Variants in SLC6A5 observed in about 807,000 individuals in gnomAD.
SLC6A5 encodes the protein solute carrier family 6 member 5.
Under a neutral mutation model 90.5 loss-of-function variants are expected in SLC6A5, and 58 were observed. The observed-to-expected ratio is 0.64, with a 90% confidence interval of 0.52 to 0.80. The LOEUF (loss-of-function observed/expected upper bound fraction) is 0.80, where lower values mean the gene tolerates loss of function less well. Among genes scored for constraint, SLC6A5 ranks in the 30% least tolerant of loss-of-function variants. SLC6A5 has a pLI of 0.00. For missense variants in SLC6A5, 1,015 were observed against 1,017.6 expected (o/e 1.00, Z 0.03); for synonymous variants, 427 against 401.4 (o/e 1.06, Z -0.76).
intron 7 of SLC6A5, among the ~76,000 whole-genome samples, chr11:20,624,783 A>G (rs895169660): frequency 2.0e-5 from 3 of 152,178 alleles, no homozygotes. Flanking sequence ...TGCACTTTTA[A>G]TGTAGCCTAC....
At position 20,630,816 on chromosome 11, in the gene SLC6A5, G is replaced by A. The variant is rs2133803165; in HGVS notation, c.1624+1G>A. On this transcript the variant is annotated splice_donor_variant, in intron 10 of 15. Transcript: ENST00000525748. LOFTEE classifies it high-confidence loss of function. ...AACATTGAGAATGTGGCAGACCAAG[G>A]TACAGGACAGTTGTTACCCTGCTGT... 1.9e-6 allele frequency: 3 copies of A among 1,614,134 alleles called. No homozygotes were observed. The highest frequency in any genetic ancestry group is 2.2e-5 in the East Asian group (1 of 44,876).
chr11:20,617,972 C>T, intron 7 of SLC6A5, 88 bp downstream of exon 7: 1 of 1,357,966 alleles, frequency 7.4e-7, no homozygotes, highest in Non-Finnish European at 1.0e-6. Flanking sequence ...GAAAGAGAGT[C>T]AGGAGCTGTG....
intron 15 of SLC6A5, among the ~76,000 whole-genome samples, chr11:20,654,115 C>T (rs936259313): frequency 1.3e-5 from 2 of 152,116 alleles, no homozygotes; most frequent in African/African-American, 4.8e-5. Flanking sequence ...TTTAGCTTGC[C>T]TGCAAGAACC....
chr11:20,605,164 G>A (rs1278927769), intron 3 of SLC6A5, among the ~76,000 whole-genome samples: 1 of 152,046 alleles, frequency 6.6e-6, no homozygotes, highest in African/African-American at 2.4e-5. Flanking sequence ...CCCTCCCAGC[G>A]TTTGGGTGCC....
intron 10 of SLC6A5, among the ~76,000 whole-genome samples, chr11:20,633,954 T>C (rs1311811396): frequency 1.3e-5 from 2 of 152,090 alleles, no homozygotes; most frequent in Non-Finnish European, 2.9e-5. Flanking sequence ...TCACTGCAAC[T>C]TCTGCCTCCC....
At chr11:20,638,412 C>T in intron 12 of SLC6A5, 47 bp from the exon 13 acceptor site, 4 of 1,192,736 alleles carry the variant, frequency 3.4e-6, no homozygotes, top group Middle Eastern at 3.9e-4. Context: ...AAGAGACAGC[C>T]TGGCTTCAGG....
chr11:20,653,739 C>T (rs1232572475), intron 15 of SLC6A5, among the ~76,000 whole-genome samples: 1 of 152,194 alleles, frequency 6.6e-6, no homozygotes, highest in African/African-American at 2.4e-5. Context: ...CCATGGGCTT[C>T]CAGAGATGGT....
intron 6 of SLC6A5, among the ~76,000 whole-genome samples, chr11:20,616,091 A>T (rs1422239168): frequency 6.6e-6 from 1 of 152,268 alleles, no homozygotes; most frequent in Admixed American, 6.5e-5. Context: ...GCTTTCACTT[A>T]GATGACGACA....
Position 20,656,712 on chromosome 11 carries a change from T to C in SLC6A5, c.*1844T>C, listed in dbSNP as rs1030263323. ...TTTCATGTCTTTTGTCTGCAGTGTA[T>C]ATTTGTTCTCCCCTCTCCTTCTCCT... On this transcript the variant is annotated 3_prime_UTR_variant, in exon 16 of 16. Coordinates refer to ENST00000525748, the MANE Select transcript of SLC6A5 (RefSeq NM_004211.5). 3.3e-5 allele frequency: 5 copies of C among 152,206 alleles called. No individual in the cohort carries two copies. The highest frequency in any genetic ancestry group is 1.2e-4 in the African/African-American group (5 of 41,446). 9.4% of individuals were successfully genotyped at this position (152,206 alleles called of 1,614,324 possible). A position where few individuals can be genotyped will look rare whatever the true frequency, so the allele number is the denominator to read the frequency against.
intron 2 of SLC6A5, among the ~76,000 whole-genome samples, chr11:20,603,843 T>A (rs1424369647): frequency 6.6e-6 from 1 of 150,842 alleles, no homozygotes; most frequent in Non-Finnish European, 1.5e-5. Flanking sequence ...TGGGAGAGGG[T>A]TAATTAGGAA....
At chr11:20,629,504 T>C (rs1016087339) in intron 9 of SLC6A5, among the ~76,000 whole-genome samples, 1 of 152,220 alleles carries the variant, frequency 6.6e-6, no homozygotes, top group Non-Finnish European at 1.5e-5. Flanking sequence ...TTGCTTTTAT[T>C]ATTTTTAAAT....
intron 12 of SLC6A5, 38 bp downstream of exon 12, chr11:20,637,341 AG>A: frequency 2.5e-6 from 2 of 815,790 alleles, no homozygotes; most frequent in African/African-American, 3.5e-5. Context: ...GGGTGGGGGC[AG>A]GAGGGTGGGG....
At chr11:20,628,312 T>G (rs1368312283) in intron 9 of SLC6A5, among the ~76,000 whole-genome samples, 1 of 152,174 alleles carries the variant, frequency 6.6e-6, no homozygotes, top group Non-Finnish European at 1.5e-5. Context: ...TCAGTGGCTA[T>G]TTACAGGATG....
Position 20,654,725 on chromosome 11 carries a change from G to A in SLC6A5, c.2251G>A (p.Val751Met). 5.0e-6 allele frequency: 8 copies of A among 1,614,156 alleles called. No individual in the cohort carries two copies. Among genetic ancestry groups the A allele is most frequent in the Non-Finnish European group, 6.8e-6 (8 of 1,180,022 alleles). ...GGCTTCTTTGCAGAGGCTGAAGTTG[G>A]TGTGCTCGCCACAGCCGGACTGGGG... ...PGRFIERLKL[V>M]CSPQPDWGPF... Residue 751 changes from valine to methionine, a missense_variant, in exon 16 of 16, where the codon GTG (valine) becomes ATG (methionine). Transcript: ENST00000525748.
chr11:20,636,604 T>C (rs1853213400), intron 11 of SLC6A5, among the ~76,000 whole-genome samples, 185 bp downstream of exon 11: 1 of 152,120 alleles, frequency 6.6e-6, no homozygotes, highest in African/African-American at 2.4e-5. Flanking sequence ...TGGGTGCTCA[T>C]GTAATGGTGC....
Position 20,655,820 on chromosome 11 carries a change from G to A in SLC6A5, c.*952G>A, listed in dbSNP as rs1353369291. 6.6e-6 allele frequency: 1 copy of A among 152,080 alleles called. No individual in the cohort carries two copies. The highest frequency in any genetic ancestry group is 1.5e-5 in the Non-Finnish European group (1 of 68,006). The allele number at this position is 152,080 out of a possible 1,614,324, so 9.4% of individuals were successfully genotyped here. A position where few individuals can be genotyped will look rare whatever the true frequency, so the allele number is the denominator to read the frequency against. Reference sequence around the variant, plus strand: ...GTTCTGTCTATATATTATATATATAGGACACATGCTCTTAAAAGACAGATA... The same window carrying A: ...GTTCTGTCTATATATTATATATATAAGACACATGCTCTTAAAAGACAGATA... On this transcript the variant is annotated 3_prime_UTR_variant, in exon 16 of 16. Transcript: ENST00000525748.
chr11:20,653,429 G>A (rs912360230), intron 15 of SLC6A5, among the ~76,000 whole-genome samples: 3 of 152,192 alleles, frequency 2.0e-5, no homozygotes, highest in African/African-American at 7.2e-5. Context: ...AGGCAGAGAA[G>A]AACAGTTTGG....
In SLC6A5 at chr11:20,628,010, T is replaced by A. The variant is rs1853033716; in HGVS notation, c.1426T>A (p.Phe476Ile). The stretch of plus-strand genomic sequence containing the variant: ...GAAAGATGCTGCCACTCAGATTTTC[T>A]TCTCTTTATCTGCTGCATGGGGAGG... The part of the protein sequence containing the change: ...VWKDAATQIF[F>I]SLSAAWGGLI... Residue 476 changes from phenylalanine (F) to isoleucine (I), a missense_variant, in exon 9 of 16, where the codon TTC becomes ATC. Phe to Ile is a conservative substitution (Grantham distance 21). Around this residue, in one of 3 missense-constraint regions of SLC6A5, gnomAD observed 442 missense variants for 494.3 expected, o/e 0.89. Transcript: ENST00000525748. The A allele has an allele frequency of 6.2e-7, 1 of 1,614,052 alleles. No individual in the cohort carries two copies. Among genetic ancestry groups the A allele is most frequent in the Admixed American group, 1.7e-5 (1 of 60,008 alleles).
chr11:20,646,797 T>C (rs1028563070), intron 13 of SLC6A5, 37 bp from the exon 14 acceptor site: 4 of 1,430,912 alleles, frequency 2.8e-6, no homozygotes, highest in African/African-American at 1.4e-5. Context: ...TTCCTGCTAC[T>C]GTGCCTTATA....
Sources: gnomAD v4.1 joint callset for allele counts (sites outside exome capture counted in the v4.1 genomes callset) on GRCh38, gnomAD v4.1.1 for gene constraint, gnomAD v4.1.1 regional missense constraint, MANE v1.5 for transcripts, NCBI Gene and HGNC (gene_info 2026-07-23, HGNC 2026-07-21) for gene names.